The following COA1 variants were observed in gnomAD, a reference collection of about 807,000 sequenced individuals.
The protein encoded by COA1 is cytochrome c oxidase assembly factor 1 homolog.
A neutral mutation model predicts 16.0 loss-of-function variants in COA1; 13 were observed. The observed-to-expected ratio is 0.81, with a 90% CI of 0.53 to 1.29. The LOEUF is 1.29. Ranked by LOEUF, COA1 falls within the 50% of genes most tolerant of loss-of-function variation. The pLI is 0.00. For synonymous variants in COA1, 65 were observed against 65.7 expected, an observed-to-expected ratio of 0.99 and a Z score of 0.05; for missense variants, 179 against 177.0, an observed-to-expected ratio of 1.01 and a Z score of -0.06.
rs1238293804 is a variant in COA1 at position 43,648,616 on chromosome 7, GCACAACTCTCTTGAAAAT to G, written c.-20_-3del. The G allele has an allele frequency of 1.2e-6, 2 of 1,613,686 alleles. 1 individual carries two copies. ...TTCCATTACCTTTTGCCACATCATA[GCACAACTCTCTTGAAAAT>G]CATCAAAGGCAAGTTGTCCTGCAAT... On this transcript the variant is annotated 5_prime_UTR_variant, in exon 2 of 6. Transcript: ENST00000223336.
intron 1 of COA1, among the ~76,000 whole-genome samples, chr7:43,697,111 T>C (rs2094554206): frequency 6.7e-6 from 1 of 149,568 alleles, no homozygotes; most frequent in South Asian, 2.1e-4. Context: ...CGACAGAGAC[T>C]CCATCTCAAA....
chr7:43,708,893 G>A (rs2095105684), intron 1 of COA1, among the ~76,000 whole-genome samples: 1 of 151,934 alleles, frequency 6.6e-6, no homozygotes, highest in Non-Finnish European at 1.5e-5. Context: ...CATGATTTTT[G>A]ATAAGCAGAA....
intron 4 of COA1, among the ~76,000 whole-genome samples, chr7:43,645,014 G>A (rs1046995879): frequency 2.0e-5 from 3 of 151,966 alleles, no homozygotes; most frequent in African/African-American, 7.2e-5. Flanking sequence ...TGCATTCCCT[G>A]CCACATCAAT....
intron 1 of COA1, among the ~76,000 whole-genome samples, chr7:43,717,594 G>C (rs1029436572): frequency 2.6e-5 from 4 of 152,156 alleles, no homozygotes; most frequent in African/African-American, 4.8e-5. Context: ...TTTGAACTGT[G>C]AACTTTTGGG....
intron 1 of COA1, among the ~76,000 whole-genome samples, chr7:43,694,591 A>G (rs568571861): frequency 3.3e-5 from 5 of 152,278 alleles, no homozygotes; most frequent in Admixed American, 6.5e-5. Context: ...TCCAAGACAC[A>G]CCACTCACTC....
intron 4 of COA1, among the ~76,000 whole-genome samples, chr7:43,643,051 G>A (rs1463846697): frequency 1.3e-5 from 2 of 152,218 alleles, no homozygotes; most frequent in African/African-American, 4.8e-5. Flanking sequence ...TCCTGTCACT[G>A]CAGAGTCACA....
intron 1 of COA1, among the ~76,000 whole-genome samples, chr7:43,728,347 T>C (rs532279163): frequency 0.013 from 1,316 of 101,878 alleles, 18 homozygotes; most frequent in African/African-American, 0.074. Context: ...TGAAGACTTT[T>C]GTTTTGTGTT....
At chr7:43,728,976 G>T (rs2095680997) in intron 1 of COA1, among the ~76,000 whole-genome samples, 1 of 152,194 alleles carries the variant, frequency 6.6e-6, no homozygotes, top group African/African-American at 2.4e-5. Flanking sequence ...TGTTGGGAGG[G>T]TTTTTCTGTT....
In COA1 at chr7:43,648,715, A is replaced by G. The variant is rs763638111; in HGVS notation, c.-38-63T>C. On this transcript the variant is annotated intron_variant, in intron 1 of 5. Coordinates refer to ENST00000223336, the MANE Select transcript of COA1 (RefSeq NM_018224.4). ...TTAAAGCCCAGTTCTCTCTAGTCTC[A>G]TACAGCCAAGATTTATTACCAACCC... 21 of 1,217,578 alleles carry G rather than the reference A, an allele frequency of 1.7e-5. No individual in the cohort carries two copies. In the Admixed American group the frequency reaches 1.9e-4, roughly 11 times the overall value. The allele number at this position is 1,217,578 out of a possible 1,614,324, so 75.4% of individuals were successfully genotyped here.
chr7:43,682,409 T>A (rs1351339407), intron 1 of COA1, among the ~76,000 whole-genome samples: 1 of 152,182 alleles, frequency 6.6e-6, no homozygotes. Flanking sequence ...TATTTTTCAA[T>A]AGGTACATTT....
At chr7:43,648,945 T>C (rs975554700) in intron 1 of COA1, 4 of 287,610 alleles carry the variant, frequency 1.4e-5, no homozygotes, top group African/African-American at 8.6e-5. Flanking sequence ...GCAAGTGCTT[T>C]GACCACAGCA....
At chr7:43,668,126 A>G (rs569745853) in intron 1 of COA1, among the ~76,000 whole-genome samples, 1 of 152,350 alleles carries the variant, frequency 6.6e-6, no homozygotes, top group East Asian at 1.9e-4. Context: ...TGCAGAGCCA[A>G]TAAAAGCCCC....
At chr7:43,694,461 T>C (rs1480829454) in intron 1 of COA1, among the ~76,000 whole-genome samples, 1 of 152,150 alleles carries the variant, frequency 6.6e-6, no homozygotes, top group Non-Finnish European at 1.5e-5. Flanking sequence ...GTGAAAGTCT[T>C]TAATGTCCTC....
At chr7:43,627,158 C>T (rs1395085477) in intron 6 of COA1, among the ~76,000 whole-genome samples, 1 of 152,096 alleles carries the variant, frequency 6.6e-6, no homozygotes, top group Non-Finnish European at 1.5e-5. Flanking sequence ...TGTGGTGAAA[C>T]GTTGTTTATG....
chr7:43,710,830 G>A (rs2095222287), intron 1 of COA1, among the ~76,000 whole-genome samples: 1 of 152,128 alleles, frequency 6.6e-6, no homozygotes, highest in Non-Finnish European at 1.5e-5. Flanking sequence ...TGGTATCTGT[G>A]ATATTTGTTT....
At chr7:43,699,197 C>T (rs1324159693) in intron 1 of COA1, among the ~76,000 whole-genome samples, 2 of 152,058 alleles carry the variant, frequency 1.3e-5, no homozygotes, top group African/African-American at 2.4e-5. Flanking sequence ...CTCCAATACA[C>T]TTTTTCTGGA....
At chr7:43,705,197 G>A (rs971283996) in intron 1 of COA1, among the ~76,000 whole-genome samples, 3 of 152,130 alleles carry the variant, frequency 2.0e-5, no homozygotes, top group East Asian at 1.9e-4. Context: ...AGATGTTCCC[G>A]GTCCACTGGC....
At chr7:43,648,546 G>A (rs747714860) in intron 2 of COA1, 54 bp downstream of exon 2, 14 of 1,592,388 alleles carry the variant, frequency 8.8e-6, no homozygotes, top group South Asian at 4.4e-5. Flanking sequence ...TGTCTAACTC[G>A]AGAATACCCT....
chr7:43,714,124 G>A (rs1404970057), intron 1 of COA1, among the ~76,000 whole-genome samples: 1 of 152,106 alleles, frequency 6.6e-6, no homozygotes, highest in Non-Finnish European at 1.5e-5. Flanking sequence ...GGACTTCCAG[G>A]TTGCAATGAG....
Sources: gnomAD v4.1 joint callset for allele counts (sites outside exome capture counted in the v4.1 genomes callset) on GRCh38, gnomAD v4.1.1 for gene constraint, MANE v1.5 for transcripts, NCBI Gene and HGNC (gene_info 2026-07-23, HGNC 2026-07-21) for gene names.